The following GRIP1 variants were observed in gnomAD, a reference collection of about 807,000 sequenced individuals.
The protein encoded by GRIP1 is glutamate receptor-interacting protein 1.
Under a neutral mutation model 129.9 loss-of-function variants are expected in GRIP1, and 45 were observed. The ratio of observed to expected loss-of-function variants is 0.35; its 90% confidence interval spans 0.27 to 0.44. The LOEUF is 0.44. Among genes scored for constraint, GRIP1 ranks in the 20% least tolerant of loss-of-function variants. GRIP1 has a pLI of 1.00. For missense variants in GRIP1, 1,196 were observed against 1,396.8 expected, an observed-to-expected ratio of 0.86 and a Z score of 2.29; for synonymous variants, 530 against 520.8, an observed-to-expected ratio of 1.02 and a Z score of -0.24.
intron 1 of GRIP1, among the ~76,000 whole-genome samples, chr12:66,670,958 T>A (rs76606198): frequency 5.0e-4 from 76 of 152,194 alleles, no homozygotes; most frequent in African/African-American, 1.8e-3. Context: ...ACATATCTAG[T>A]AGCATCTCTA....
At chr12:66,709,012 A>G (rs2035627355) in intron 1 of GRIP1, among the ~76,000 whole-genome samples, 1 of 151,888 alleles carries the variant, frequency 6.6e-6, no homozygotes. Flanking sequence ...GGAAATTAAT[A>G]TAAAAGAAAA....
chr12:67,045,552 C>A (rs989628719), intron 1 of GRIP1, among the ~76,000 whole-genome samples: 1 of 152,192 alleles, frequency 6.6e-6, no homozygotes, highest in African/African-American at 2.4e-5. Context: ...AAGTCACTTG[C>A]ACACTGTCTT....
intron 1 of GRIP1, among the ~76,000 whole-genome samples, chr12:66,711,685 G>C (rs2035717253): frequency 6.6e-6 from 1 of 151,778 alleles, no homozygotes. Context: ...GTAAATCCAA[G>C]AGCATGAGTG....
intron 7 of GRIP1, among the ~76,000 whole-genome samples, chr12:66,510,807 T>C (rs917206452): frequency 6.6e-6 from 1 of 152,092 alleles, no homozygotes; most frequent in African/African-American, 2.4e-5. Context: ...AAGAAATAAT[T>C]TGTGTACTTG....
At chr12:66,461,197 A>G (rs77444996) in intron 9 of GRIP1, among the ~76,000 whole-genome samples, 1 of 53,782 alleles carries the variant, frequency 1.9e-5, no homozygotes, top group South Asian at 3.7e-4. Context: ...AAACACTTGA[A>G]TTATTTATGA....
At chr12:66,963,751 G>A (rs529213375) in intron 1 of GRIP1, among the ~76,000 whole-genome samples, 4 of 152,042 alleles carry the variant, frequency 2.6e-5, no homozygotes, top group African/African-American at 4.8e-5. Flanking sequence ...TTAGGTTCAC[G>A]TCTAAGTTGA....
chr12:66,973,653 C>T (rs915102976), intron 1 of GRIP1, among the ~76,000 whole-genome samples: 1 of 151,980 alleles, frequency 6.6e-6, no homozygotes, highest in South Asian at 2.1e-4. Flanking sequence ...ATTCTGTTAC[C>T]TCAAATGGTA....
chr12:66,703,334 C>T (rs919530135), intron 1 of GRIP1, among the ~76,000 whole-genome samples: 5 of 152,114 alleles, frequency 3.3e-5, no homozygotes, highest in African/African-American at 1.2e-4. Context: ...ATCTGAACTT[C>T]ATCCCAAAAG....
intron 1 of GRIP1, among the ~76,000 whole-genome samples, chr12:66,705,475 A>G (rs2035496746): frequency 6.6e-6 from 1 of 152,182 alleles, no homozygotes; most frequent in Admixed American, 6.5e-5. Flanking sequence ...AAATGGCCAT[A>G]CTGCCCAAAG....
At chr12:66,479,526 T>C (rs2059735210) in intron 7 of GRIP1, among the ~76,000 whole-genome samples, 1 of 152,184 alleles carries the variant, frequency 6.6e-6, no homozygotes, top group African/African-American at 2.4e-5. Flanking sequence ...TCTGAAACTA[T>C]TCCAAACAGT....
At chr12:66,469,823 T>G (rs73137580) in intron 7 of GRIP1, among the ~76,000 whole-genome samples, 12,545 of 152,178 alleles carry the variant, frequency 0.082, 744 homozygotes, top group Middle Eastern at 0.17. Context: ...ATCTGTCACT[T>G]AGAACAATTT....
chr12:66,989,764 ATGGAATCCC>A (rs1350746978), intron 1 of GRIP1, among the ~76,000 whole-genome samples: 1 of 152,232 alleles, frequency 6.6e-6, no homozygotes, highest in Non-Finnish European at 1.5e-5. Flanking sequence ...TTTATAGGAA[ATGGAATCCC>A]TGGCTCCAAC....
intron 7 of GRIP1, among the ~76,000 whole-genome samples, chr12:66,474,648 G>A (rs1200472118): frequency 6.6e-6 from 1 of 152,116 alleles, no homozygotes; most frequent in Non-Finnish European, 1.5e-5. Flanking sequence ...AGCTCTACAA[G>A]CCAGAAGAGA....
chr12:66,796,992 T>C (rs773832648), intron 1 of GRIP1, among the ~76,000 whole-genome samples: 4 of 152,190 alleles, frequency 2.6e-5, no homozygotes, highest in African/African-American at 4.8e-5. Context: ...TGACGTTTAG[T>C]TTAAATCTAC....
intron 1 of GRIP1, among the ~76,000 whole-genome samples, chr12:66,867,348 T>C (rs375866876): frequency 2.0e-5 from 3 of 152,262 alleles, no homozygotes; most frequent in South Asian, 2.1e-4. Flanking sequence ...AACTGGTGAC[T>C]CTTGACTGAA....
In GRIP1 at chr12:66,358,487, C is replaced by T. The variant is rs189292603; in HGVS notation, c.3013-4924G>A. Among the ~76,000 whole-genome samples the T allele has an allele frequency of 8.1e-3, 1,232 of 152,184 alleles. 8 individuals carry two copies. Among genetic ancestry groups the T allele is most frequent in the Non-Finnish European group, 0.013 (871 of 67,998 alleles). ...TTTGAGACAGGGTCTCACTCTGTCA[C>T]CCCGACTGGAATGCAGTGGCGCGAT... is the stretch of plus-strand genomic sequence containing the variant. On this transcript the variant is annotated intron_variant, in intron 23 of 24. Transcript: ENST00000359742.
chr12:66,708,341 C>T (rs1469622140), intron 1 of GRIP1, among the ~76,000 whole-genome samples: 2 of 151,832 alleles, frequency 1.3e-5, no homozygotes, highest in Admixed American at 1.3e-4. Context: ...AATCCTAACC[C>T]CTGTCTAAAA....
At chr12:66,446,094 G>GCCACCCCCCCCCCCCC (rs1555185775) in intron 11 of GRIP1, among the ~76,000 whole-genome samples, 5 of 140,494 alleles carry the variant, frequency 3.6e-5, no homozygotes, top group African/African-American at 1.4e-4. Context: ...CATTCCTCCT[G>GCCACCCCCCCCCCCCC]CCGCCCCCCA....
intron 18 of GRIP1, 41 bp from the exon 19 acceptor site, chr12:66,392,543 T>G (rs2056632667): frequency 6.3e-7 from 1 of 1,594,952 alleles, no homozygotes; most frequent in African/African-American, 1.3e-5. Context: ...AGAGTAAATT[T>G]AAATAAAAAT....
Sources: allele counts gnomAD v4.1 joint callset (sites outside exome capture counted in the v4.1 genomes callset), GRCh38; gene constraint gnomAD v4.1.1; transcripts MANE v1.5; gene names NCBI Gene and HGNC (gene_info 2026-07-23, HGNC 2026-07-21).